The following SGCZ variants were observed in gnomAD, a reference collection of about 807,000 sequenced individuals.
SGCZ encodes the protein zeta-sarcoglycan.
A neutral mutation model predicts 41.3 loss-of-function variants in SGCZ; 40 were observed. The observed-to-expected ratio is 0.97, with a 90% CI of 0.75 to 1.26. SGCZ has a LOEUF of 1.26. Among genes scored for constraint, SGCZ ranks in the 50% most tolerant of loss-of-function variants. The pLI is 0.00. For synonymous variants in SGCZ, 206 were observed against 137.5 expected, an observed-to-expected ratio of 1.50 and a Z score of -3.49; for missense variants, 552 against 369.8, an observed-to-expected ratio of 1.49 and a Z score of -4.04.
chr8:14,287,506 C>G (rs1335514006), intron 3 of SGCZ, among the ~76,000 whole-genome samples: 3 of 151,964 alleles, frequency 2.0e-5, no homozygotes, highest in Non-Finnish European at 4.4e-5. Context: ...AGTTTGGTCT[C>G]TAACTCAGCA....
At chr8:14,113,402 T>A (rs1802431936) in intron 5 of SGCZ, among the ~76,000 whole-genome samples, 1 of 152,138 alleles carries the variant, frequency 6.6e-6, no homozygotes, top group East Asian at 1.9e-4. Context: ...TTTTTAATTA[T>A]AACAGTTGCT....
At chr8:14,150,940 C>A (rs370242733) in intron 5 of SGCZ, among the ~76,000 whole-genome samples, 1 of 152,150 alleles carries the variant, frequency 6.6e-6, no homozygotes, top group African/African-American at 2.4e-5. Flanking sequence ...ACAAACATCA[C>A]ATGTTCTCAC....
intron 1 of SGCZ, among the ~76,000 whole-genome samples, chr8:15,203,020 G>C (rs910287739): frequency 6.6e-6 from 1 of 152,134 alleles, no homozygotes; most frequent in Admixed American, 6.5e-5. Flanking sequence ...TGTGGTGGGA[G>C]AATCACTAGA....
intron 1 of SGCZ, among the ~76,000 whole-genome samples, chr8:14,752,132 C>CAAAAAAAA (rs56243371): frequency 1.7e-5 from 2 of 117,762 alleles, no homozygotes; most frequent in Non-Finnish European, 3.4e-5. Flanking sequence ...ACAAAAAAGC[C>CAAAAAAAA]AAAAAAAAAA....
intron 3 of SGCZ, among the ~76,000 whole-genome samples, chr8:14,317,635 G>C (rs1052482843): frequency 6.6e-6 from 1 of 151,830 alleles, no homozygotes; most frequent in African/African-American, 2.4e-5. Flanking sequence ...ATAAGGAGAA[G>C]ATTGTTAAGA....
At chr8:14,294,273 G>C (rs189569449) in intron 3 of SGCZ, among the ~76,000 whole-genome samples, 8 of 151,900 alleles carry the variant, frequency 5.3e-5, no homozygotes, top group African/African-American at 1.7e-4. Flanking sequence ...ATTTGGGAGA[G>C]AGAAAGGTAG....
At chr8:14,751,647 T>C (rs1292471093) in intron 1 of SGCZ, among the ~76,000 whole-genome samples, 1 of 152,152 alleles carries the variant, frequency 6.6e-6, no homozygotes, top group Non-Finnish European at 1.5e-5. Context: ...GGGCCTAGCA[T>C]TTAAAACCTG....
intron 2 of SGCZ, chr8:14,487,825 C>A (rs1415991299): frequency 1.3e-5 from 2 of 150,988 alleles, no homozygotes; most frequent in Non-Finnish European, 3.0e-5. Flanking sequence ...GACAGGGGGC[C>A]TGCTAGTGTT....
intron 2 of SGCZ, among the ~76,000 whole-genome samples, chr8:14,367,957 C>G (rs1803772750): frequency 6.6e-6 from 1 of 152,058 alleles, no homozygotes; most frequent in Non-Finnish European, 1.5e-5. Context: ...AAACTGATCT[C>G]ACTTACAAAT....
At chr8:14,856,305 G>A (rs752729239) in intron 1 of SGCZ, among the ~76,000 whole-genome samples, 2 of 152,162 alleles carry the variant, frequency 1.3e-5, no homozygotes, top group Admixed American at 1.3e-4. Flanking sequence ...AGTGGCTTCA[G>A]GGGAGATTTG....
intron 2 of SGCZ, among the ~76,000 whole-genome samples, chr8:14,452,059 C>T (rs1311898968): frequency 6.6e-6 from 1 of 152,078 alleles, no homozygotes; most frequent in East Asian, 1.9e-4. Context: ...TTCACATTTG[C>T]CAAAACTTGG....
chr8:14,134,713 T>C (rs570337484), intron 5 of SGCZ, among the ~76,000 whole-genome samples: 48 of 152,288 alleles, frequency 3.2e-4, no homozygotes, highest in Admixed American at 8.5e-4. Flanking sequence ...CCTATCTGTA[T>C]AGGCTGCCGC....
intron 7 of SGCZ, among the ~76,000 whole-genome samples, chr8:14,096,937 C>T (rs10089469): frequency 0.21 from 31,325 of 151,956 alleles, 3,397 homozygotes; most frequent in Middle Eastern, 0.27. Context: ...ACTGTGGGAT[C>T]GGTGGTGATA....
intron 1 of SGCZ, among the ~76,000 whole-genome samples, chr8:15,167,696 C>A (rs146503113): frequency 2.3e-4 from 35 of 150,300 alleles, no homozygotes; most frequent in Non-Finnish European, 4.6e-4. Context: ...AAAATACGGT[C>A]TAGAGAGAGG....
At chr8:14,552,598 T>G (rs1368072452) in intron 2 of SGCZ, among the ~76,000 whole-genome samples, 1 of 152,068 alleles carries the variant, frequency 6.6e-6, no homozygotes, top group African/African-American at 2.4e-5. Context: ...AGGACCATGT[T>G]GCATTATAAT....
At chr8:14,311,566 T>A (rs1466694950) in intron 3 of SGCZ, among the ~76,000 whole-genome samples, 2 of 152,174 alleles carry the variant, frequency 1.3e-5, no homozygotes, top group African/African-American at 4.8e-5. Context: ...TGACTACTAT[T>A]TTTAGACAAT....
intron 1 of SGCZ, among the ~76,000 whole-genome samples, chr8:14,808,352 C>G (rs972918285): frequency 1.1e-4 from 17 of 152,170 alleles, no homozygotes; most frequent in Non-Finnish European, 2.1e-4. Context: ...GGCTAATATC[C>G]AGAATCTACG....
chr8:14,787,342 G>T (rs1369572662), intron 1 of SGCZ, among the ~76,000 whole-genome samples: 7 of 151,952 alleles, frequency 4.6e-5, no homozygotes, highest in Non-Finnish European at 8.8e-5. Flanking sequence ...CGGGAATCTG[G>T]TGCTTTATTT....
chr8:14,307,818 C>T (rs1801395830), intron 3 of SGCZ, among the ~76,000 whole-genome samples: 1 of 151,974 alleles, frequency 6.6e-6, no homozygotes, highest in Admixed American at 6.6e-5. Context: ...AGGTCATAGG[C>T]AAGATGGCAA....
Sources: allele counts gnomAD v4.1 joint callset (sites outside exome capture counted in the v4.1 genomes callset), GRCh38; gene constraint gnomAD v4.1.1; transcripts MANE v1.5; gene names NCBI Gene and HGNC (gene_info 2026-07-23, HGNC 2026-07-21).